IGFN1: variants seen among roughly 807,000 people sequenced by gnomAD.
IGFN1 encodes the protein immunoglobulin-like and fibronectin type III domain-containing protein 1.
IGFN1 carries 253 observed loss-of-function variants against 289.5 expected under a neutral mutation model. The observed-to-expected ratio is 0.87, with a 90% CI of 0.79 to 0.97. The LOEUF is 0.97. IGFN1 is among the 50% of genes least tolerant of loss of function. IGFN1 has a pLI of 0.00. For missense variants in IGFN1, 4,470 were observed against 4,686.1 expected (o/e 0.95, Z 1.35); for synonymous variants, 1,706 against 1,788.5 (o/e 0.95, Z 1.16).
intron 20 of IGFN1, among the ~76,000 whole-genome samples, chr1:201,223,968 A>G (rs537916219): frequency 6.6e-6 from 1 of 152,242 alleles, no homozygotes; most frequent in African/African-American, 2.4e-5. Flanking sequence ...AGTAGTTACC[A>G]TGTCCTAGGC....
rs1667494282 is a variant in IGFN1, at chr1:201,207,735, C to T, written c.2842C>T (p.Pro948Ser). ...ETGYKDGLEG[P>S]GRMESRYEGG... Reference sequence around the variant, plus strand: ...AGGCTATAAGGATGGCTTGGAAGGTCCCGGGAGAATGGAATCTAGGTACGA... The same window carrying T: ...AGGCTATAAGGATGGCTTGGAAGGTTCCGGGAGAATGGAATCTAGGTACGA... Residue 948 changes from proline to serine, a missense_variant, in exon 12 of 24, where the codon CCC (proline) becomes TCC (serine). Physicochemically the swap from Pro to Ser is moderately conservative, Grantham distance 74. Transcript: ENST00000335211. 2.0e-6 allele frequency: 3 copies of T among 1,536,772 alleles called. No homozygotes were observed. The highest frequency in any genetic ancestry group is 1.4e-5 in the African/African-American group (1 of 72,976).
intron 10 of IGFN1, 87 bp downstream of exon 10, chr1:201,203,993 A>G: frequency 8.2e-7 from 1 of 1,222,636 alleles, no homozygotes. Context: ...GTTGGGGGGT[A>G]AATGTGATGT....
In IGFN1 at chr1:201,204,031, G is replaced by A. The variant is rs550518818; in HGVS notation, c.916+125G>A. 8.9e-6 allele frequency: 8 copies of A among 898,694 alleles called. No homozygotes were observed. In the Admixed American group the frequency reaches 2.0e-4, roughly 22 times the overall value. 55.7% of individuals were successfully genotyped at this position (898,694 alleles called of 1,614,324 possible). On this transcript the variant is annotated intron_variant, in intron 10 of 23. Coordinates refer to ENST00000335211, the MANE Select transcript of IGFN1 (RefSeq NM_001164586.2). The stretch of plus-strand genomic sequence containing the variant: ...CCCCAGCTGCAAAAGACAATTGGGA[G>A]AGGGACACATACCTAGATGGCCAAA...
Position 201,201,803 on chromosome 1 carries a change from G to A in IGFN1, c.718G>A (p.Asp240Asn). The change falls in exon 9 of 24, where the codon GAT becomes AAT. Residue 240 changes from aspartate to asparagine, a missense_variant. Asp to Asn is a conservative substitution (Grantham distance 23). Around this residue, in one of 8 missense-constraint regions of IGFN1, gnomAD observed 2,011 missense variants for 1,953.4 expected, o/e 1.03. Transcript: ENST00000335211. ...GTTTGACTTGGAGCTGGATCTCAAG[G>A]ATTCTCAGAGCAAGATTTACCTGTA... ...AKFDLELDLK[D>N]SQSKIYLYKD... 2.7e-6 allele frequency: 4 copies of A among 1,481,150 alleles called. No individual in the cohort carries two copies. The South Asian group carries it at 4.8e-5, about 18-fold the overall frequency. 91.8% of individuals were successfully genotyped at this position (1,481,150 alleles called of 1,614,324 possible). A position where few individuals can be genotyped will look rare whatever the true frequency, so the allele number is the denominator to read the frequency against.
rs1365409940 is a variant in IGFN1, at chr1:201,208,632, G to C, written c.3739G>C (p.Gly1247Arg). 1.0e-5 allele frequency: 16 copies of C among 1,530,922 alleles called. No individual in the cohort carries two copies. The highest frequency in any genetic ancestry group is 1.4e-5 in the Non-Finnish European group (16 of 1,144,178). The allele number at this position is 1,530,922 out of a possible 1,614,324, so 94.8% of individuals were successfully genotyped here. The change falls in exon 12 of 24, where the codon GGG (glycine) becomes CGG (arginine). Residue 1247 changes from glycine (G) to arginine (R), a missense_variant. By Grantham distance (125) the Gly-to-Arg change is moderately radical. Coordinates refer to ENST00000335211, the MANE Select transcript of IGFN1 (RefSeq NM_001164586.2). Reference sequence around the variant, plus strand: ...CCTTGGGCCTAGGAGTACAGGGCCAGGGGGTGAGGCAGGCTTTAGAGATGG... The same window carrying C: ...CCTTGGGCCTAGGAGTACAGGGCCACGGGGTGAGGCAGGCTTTAGAGATGG... ...RGLGPRSTGP[G>R]GEAGFRDGSG...
chr1:201,226,105 TGC>T lies in IGFN1; in HGVS notation c.10769_10770del (p.Cys3590TyrfsTer61). ...SKPSDTSQPW[C>X]IPRQRDRFTV... is the part of the protein sequence containing the mutation. ...ACCCTCGGACACCAGCCAGCCCTGGTGCATCCCCCGGCAGCGCGGTAAGCAGC... is the reference window on the plus strand; with the variant it reads ...ACCCTCGGACACCAGCCAGCCCTGGTATCCCCCGGCAGCGCGGTAAGCAGC... On this transcript the variant is annotated frameshift_variant, in exon 22 of 24. Transcript: ENST00000335211. LOFTEE classifies it high-confidence loss of function. 1 of 1,599,940 alleles carries T rather than the reference TGC, an allele frequency of 6.3e-7. No individual in the cohort carries two copies. Among genetic ancestry groups the T allele is most frequent in the Non-Finnish European group, 8.5e-7 (1 of 1,171,222 alleles).
rs201190585 is a variant in IGFN1, at chr1:201,212,845, C to T, written c.7952C>T (p.Ser2651Phe). ...AAGCAGCCCGCAGGCTCCAGAGCTTCCGGTTCTCTGCAGGAGAAAGATGCC... is the reference window on the plus strand; with the variant it reads ...AAGCAGCCCGCAGGCTCCAGAGCTTTCGGTTCTCTGCAGGAGAAAGATGCC... ...AGKQPAGSRA[S>F]GSLQEKDAAF... Residue 2651 changes from serine (S) to phenylalanine (F), a missense_variant, in exon 12 of 24, where the codon TCC becomes TTC. Around this residue, in one of 8 missense-constraint regions of IGFN1, gnomAD observed 2,218 missense variants for 2,114.1 expected, o/e 1.05. Transcript: ENST00000335211. 21,745 of 1,551,290 alleles carry T rather than the reference C, an allele frequency of 0.014. 193 individuals are homozygous for T. Among genetic ancestry groups the T allele is most frequent in the Non-Finnish European group, 0.017 (19,113 of 1,146,886 alleles).
At chr1:201,224,605 C>A in intron 20 of IGFN1, 74 bp from the exon 21 acceptor site, 1 of 1,304,348 alleles carries the variant, frequency 7.7e-7, no homozygotes, top group Non-Finnish European at 1.1e-6. Context: ...TACCTTTGGC[C>A]TAGCTTAAAT....
chr1:201,206,733 C>T lies in IGFN1; in HGVS notation c.1840C>T (p.Gln614Ter). 1 of 1,536,786 alleles carries T rather than the reference C, an allele frequency of 6.5e-7. No homozygotes were observed. Among genetic ancestry groups the T allele is most frequent in the Non-Finnish European group, 8.7e-7 (1 of 1,146,894 alleles). Reference protein sequence around the residue: ...GRGKSDLQGCQSDPVGSWPRG... With the variant: ...GRGKSDLQGC ...AGGAAAGAGCGACCTGCAGGGATGC[C>T]AGTCTGATCCTGTAGGGTCCTGGCC... The change falls in exon 12 of 24, where the codon CAG (glutamine) becomes TAG (stop). Residue 614 changes from glutamine (Q) to a stop codon, truncating the protein, a stop_gained. Coordinates refer to ENST00000335211, the MANE Select transcript of IGFN1 (RefSeq NM_001164586.2). LOFTEE classifies it high-confidence loss of function.
chr1:201,214,551 A>AC (rs2102353265), intron 13 of IGFN1, among the ~76,000 whole-genome samples: 1 of 152,150 alleles, frequency 6.6e-6, no homozygotes, highest in South Asian at 2.1e-4. Context: ...CCTCTTCTAT[A>AC]CCCATACCTG....
At position 201,213,429 on chromosome 1, in the gene IGFN1, A is replaced by C; in HGVS notation, c.8536A>C (p.Met2846Leu). ...DEAGSMGWQPMGENWGCLEEM... is the reference protein window; with the variant it reads ...DEAGSMGWQPLGENWGCLEEM... ...GGCTGGAAGCATGGGGTGGCAGCCT[A>C]TGGGAGAGAACTGGGGGTGCCTGGA... The change falls in exon 12 of 24, where the codon ATG becomes CTG. Residue 2846 changes from methionine to leucine, a missense_variant. By Grantham distance (15) the Met-to-Leu change is conservative. This residue lies in a region of IGFN1 where 2,218 missense variants were observed against 2,114.1 expected (regional missense o/e 1.05). Transcript: ENST00000335211. 2 of 1,614,030 alleles carry C rather than the reference A, an allele frequency of 1.2e-6. No individual in the cohort carries two copies. Among genetic ancestry groups the C allele is most frequent in the Non-Finnish European group, 1.7e-6 (2 of 1,179,934 alleles).
Position 201,225,985 on chromosome 1 carries a change from C to T in IGFN1, c.10648C>T (p.Arg3550Cys), listed in dbSNP as rs761390735. The T allele has an allele frequency of 1.1e-5, 18 of 1,567,906 alleles. No homozygotes were observed. Among genetic ancestry groups the T allele is most frequent in the Admixed American group, 5.3e-5 (3 of 56,476 alleles). Residue 3550 changes from arginine to cysteine, a missense_variant, in exon 22 of 24, where the codon CGC (arginine) becomes TGC (cysteine). Arg to Cys is a radical substitution (Grantham distance 180). This residue lies in a region of IGFN1 where 2,218 missense variants were observed against 2,114.1 expected (regional missense o/e 1.05). Transcript: ENST00000335211. Reference sequence around the variant, plus strand: ...CGGTCCCTGGCACGAGGCAGCCGACCGCATCCACACCAACCGCTTCACCCT... The same window carrying T: ...CGGTCCCTGGCACGAGGCAGCCGACTGCATCCACACCAACCGCTTCACCCT... ...AHGPWHEAAD[R>C]IHTNRFTLLG... is the part of the protein sequence containing the mutation.
chr1:201,219,848 A>C (rs1328005042), intron 18 of IGFN1, among the ~76,000 whole-genome samples: 1 of 152,212 alleles, frequency 6.6e-6, no homozygotes, highest in Non-Finnish European at 1.5e-5. Context: ...GGGGGAGGAA[A>C]GCCGGCCCAT....
Position 201,212,461 on chromosome 1 carries a change from G to A in IGFN1, c.7568G>A (p.Gly2523Glu), listed in dbSNP as rs866312018. The stretch of plus-strand genomic sequence containing the variant: ...TCTCCAGACCAAGCAGGGATAATGG[G>A]GGCTTCTGGGTTTCTTGATGGCAAG... ...DRSPDQAGIM[G>E]ASGFLDGKGA... is the part of the protein sequence containing the mutation. The change falls in exon 12 of 24, where the codon GGG becomes GAG. Residue 2523 changes from glycine to glutamate, a missense_variant. Gly to Glu is a moderately conservative substitution (Grantham distance 98). This residue lies in a region of IGFN1 where 2,218 missense variants were observed against 2,114.1 expected (regional missense o/e 1.05). Coordinates refer to ENST00000335211, the MANE Select transcript of IGFN1 (RefSeq NM_001164586.2). The A allele has an allele frequency of 1.9e-5, 29 of 1,538,448 alleles. No homozygotes were observed. The African/African-American group carries it at 3.8e-4, about 20-fold the overall frequency.
chr1:201,200,827 T>C (rs1667118370), intron 8 of IGFN1, among the ~76,000 whole-genome samples: 1 of 134,478 alleles, frequency 7.4e-6, no homozygotes, highest in African/African-American at 2.8e-5. Context: ...CTGGTTTATT[T>C]CTTTCTTTTT....
chr1:201,196,891 G>A (rs1666945926), intron 4 of IGFN1, among the ~76,000 whole-genome samples: 1 of 152,162 alleles, frequency 6.6e-6, no homozygotes, highest in Non-Finnish European at 1.5e-5. Context: ...AGAAACTGAA[G>A]TTGAGAGAAG....
rs1558144022 is a variant in IGFN1 at position 201,208,694 on chromosome 1, G to T, written c.3801G>T (p.Gly1267=). The T allele has an allele frequency of 6.5e-7, 1 of 1,537,060 alleles. No homozygotes were observed. Among genetic ancestry groups the T allele is most frequent in the Admixed American group, 2.0e-5 (1 of 50,984 alleles). ...GGLQGMGSAD[G]PGCRKGIGSS... The stretch of plus-strand genomic sequence containing the variant: ...TCCAAGGAATGGGATCAGCAGATGG[G>T]CCAGGTTGTAGGAAGGGTATTGGGA... Residue 1267 remains glycine (G), a synonymous_variant, in exon 12 of 24, where the codon GGG becomes GGT. Coordinates refer to ENST00000335211, the MANE Select transcript of IGFN1 (RefSeq NM_001164586.2).
In IGFN1 at chr1:201,215,523, CTTG is replaced by C. The variant is rs755299133; in HGVS notation, c.8996-13_8996-11del. ...CAGTGCCCTGGTCTTCCTTGACTCT[CTTG>C]TTTTATTTCTAGATTCCCCTACCAT... On this transcript the variant is annotated splice_polypyrimidine_tract_variant and intron_variant, in intron 14 of 23. Transcript: ENST00000335211. 9.7e-6 allele frequency: 15 copies of C among 1,541,252 alleles called. No homozygotes were observed. In the South Asian group the frequency reaches 1.9e-4, roughly 20 times the overall value.
rs200786849 is a variant in IGFN1, at chr1:201,216,644, G to A, written c.9486G>A (p.Thr3162=). The A allele has an allele frequency of 1.6e-5, 26 of 1,613,938 alleles. No individual in the cohort carries two copies. The highest frequency in any genetic ancestry group is 2.1e-5 in the Non-Finnish European group (25 of 1,179,974). ...GEAPADSTTF[T]DAHVEPGRKY... Reference sequence around the variant, plus strand: ...CCCCCGCTGACAGCACCACCTTCACGGATGCCCATGTGGAGCCAGGCAGGA... The same window carrying A: ...CCCCCGCTGACAGCACCACCTTCACAGATGCCCATGTGGAGCCAGGCAGGA... The change falls in exon 16 of 24, where the codon ACG becomes ACA. Residue 3162 remains threonine (T), a synonymous_variant. Coordinates refer to ENST00000335211, the MANE Select transcript of IGFN1 (RefSeq NM_001164586.2).
Sources: allele counts gnomAD v4.1 joint callset (sites outside exome capture counted in the v4.1 genomes callset), GRCh38; gene constraint gnomAD v4.1.1; regional missense constraint gnomAD v4.1.1; transcripts MANE v1.5; gene names NCBI Gene and HGNC (gene_info 2026-07-23, HGNC 2026-07-21).